The following NTNG1 variants were observed in gnomAD, a reference collection of about 807,000 sequenced individuals.
The protein encoded by NTNG1 is netrin G1, also known as netrin-G1.
Under a neutral mutation model 54.0 loss-of-function variants are expected in NTNG1, and 16 were observed. The observed-to-expected ratio is 0.30, with a 90% confidence interval of 0.20 to 0.45. NTNG1 has a LOEUF of 0.45. NTNG1 is among the 20% of genes least tolerant of loss of function. NTNG1 has a pLI of 1.00. For synonymous variants in NTNG1, 255 were observed against 263.1 expected, an observed-to-expected ratio of 0.97 and a Z score of 0.30; for missense variants, 530 against 678.7, an observed-to-expected ratio of 0.78 and a Z score of 2.43.
At chr1:107,478,563 T>C (rs979299065) in intron 7 of NTNG1, among the ~76,000 whole-genome samples, 3 of 152,144 alleles carry the variant, frequency 2.0e-5, no homozygotes, top group Admixed American at 2.0e-4. Context: ...GGGAGTGATA[T>C]GTAATTAACT....
chr1:107,351,937 A>G (rs564330219), intron 3 of NTNG1, among the ~76,000 whole-genome samples: 14 of 152,366 alleles, frequency 9.2e-5, no homozygotes, highest in Admixed American at 5.9e-4. Flanking sequence ...GGCCCCGTGC[A>G]AGTCCAAAAC....
At chr1:107,185,332 A>T (rs2101153275) in intron 2 of NTNG1, among the ~76,000 whole-genome samples, 1 of 152,252 alleles carries the variant, frequency 6.6e-6, no homozygotes, top group South Asian at 2.1e-4. Flanking sequence ...ATCCTTTGTT[A>T]CAGATTCCTA....
intron 2 of NTNG1, among the ~76,000 whole-genome samples, chr1:107,184,813 T>C (rs1426637057): frequency 6.6e-6 from 1 of 152,160 alleles, no homozygotes; most frequent in Non-Finnish European, 1.5e-5. Context: ...CACTCCAAAA[T>C]TTAGTGGCAG....
At chr1:107,464,099 C>T (rs1264128835) in intron 7 of NTNG1, among the ~76,000 whole-genome samples, 2 of 152,170 alleles carry the variant, frequency 1.3e-5, no homozygotes, top group East Asian at 3.9e-4. Flanking sequence ...GTGTTTCTTC[C>T]CCTTTAGTTA....
chr1:107,155,223 T>C (rs958318972), intron 2 of NTNG1, among the ~76,000 whole-genome samples: 1 of 151,998 alleles, frequency 6.6e-6, no homozygotes, highest in African/African-American at 2.4e-5. Flanking sequence ...GATCCTCTGA[T>C]TTTGAGGACT....
At chr1:107,269,257 C>CT (rs1381404754) in intron 2 of NTNG1, among the ~76,000 whole-genome samples, 1 of 152,170 alleles carries the variant, frequency 6.6e-6, no homozygotes, top group African/African-American at 2.4e-5. Context: ...TTGCTATTCT[C>CT]TCTGGCTGGA....
rs116228437 is a variant in NTNG1 at position 107,363,553 on chromosome 1, T to A, written c.888-31601T>A. 1.3e-3 allele frequency among the ~76,000 whole-genome samples: 201 copies of A among 152,326 alleles called. 1 individual carries two copies. The highest frequency in any genetic ancestry group is 2.6e-3 in the Non-Finnish European group (179 of 68,028). ...AAATTAATAATTATCCCACTATTAT[T>A]TCCCCCAATAAAAAAACCTGCTAAT... On this transcript the variant is annotated intron_variant, in intron 3 of 7. Transcript: ENST00000370068.
intron 2 of NTNG1, among the ~76,000 whole-genome samples, chr1:107,167,782 A>G (rs1290471297): frequency 6.6e-6 from 1 of 152,078 alleles, no homozygotes; most frequent in Admixed American, 6.6e-5. Flanking sequence ...AGATGTAAGT[A>G]TATTGCCCTT....
chr1:107,263,213 T>C (rs1325062139), intron 2 of NTNG1, among the ~76,000 whole-genome samples: 1 of 152,180 alleles, frequency 6.6e-6, no homozygotes, highest in East Asian at 1.9e-4. Context: ...AGAAAGGATG[T>C]GTGGGTGTGA....
intron 2 of NTNG1, among the ~76,000 whole-genome samples, chr1:107,173,293 A>G (rs1656393502): frequency 6.6e-6 from 1 of 152,080 alleles, no homozygotes; most frequent in Non-Finnish European, 1.5e-5. Flanking sequence ...TGCTTTTTTA[A>G]AATTTCTAAA....
chr1:107,212,810 G>A (rs1211703905), intron 2 of NTNG1, among the ~76,000 whole-genome samples: 1 of 152,080 alleles, frequency 6.6e-6, no homozygotes, highest in Non-Finnish European at 1.5e-5. Flanking sequence ...AGAAAGGGAA[G>A]GAAACTATCG....
Position 107,395,380 on chromosome 1 carries a change from C to T in NTNG1, c.1060+54C>T, listed in dbSNP as rs773848678. 4.1e-6 allele frequency: 6 copies of T among 1,478,288 alleles called. No homozygotes were observed. The Admixed American group carries it at 1.0e-4, about 25-fold the overall frequency. 91.6% of individuals were successfully genotyped at this position (1,478,288 alleles called of 1,614,324 possible). A position where few individuals can be genotyped will look rare whatever the true frequency, so the allele number is the denominator to read the frequency against. ...TTCTGTGCACCATGAGGTGATAGTT[C>T]CTCTCAATTTTGCTTACAATTGTGA... is the stretch of plus-strand genomic sequence containing the variant. On this transcript the variant is annotated intron_variant, in intron 4 of 7. Coordinates refer to ENST00000370068, the MANE Select transcript of NTNG1 (RefSeq NM_001113226.3).
intron 2 of NTNG1, among the ~76,000 whole-genome samples, chr1:107,257,674 G>A (rs1275165616): frequency 6.6e-6 from 1 of 152,156 alleles, no homozygotes; most frequent in African/African-American, 2.4e-5. Flanking sequence ...GGCACTGTGT[G>A]GGGGGATTAG....
chr1:107,241,964 CAT>C (rs1168423316), intron 2 of NTNG1, among the ~76,000 whole-genome samples: 4 of 152,132 alleles, frequency 2.6e-5, no homozygotes, highest in Non-Finnish European at 5.9e-5. Flanking sequence ...ATGTATCATA[CAT>C]ATATTAGAGT....
At chr1:107,243,569 T>C (rs1050057711) in intron 2 of NTNG1, among the ~76,000 whole-genome samples, 4 of 152,202 alleles carry the variant, frequency 2.6e-5, no homozygotes, top group African/African-American at 7.2e-5. Context: ...TTGTGTTTCG[T>C]TTTTTGAGAT....
At chr1:107,267,628 C>T (rs1415838052) in intron 2 of NTNG1, among the ~76,000 whole-genome samples, 1 of 152,126 alleles carries the variant, frequency 6.6e-6, no homozygotes, top group Non-Finnish European at 1.5e-5. Context: ...AGGATCCCTC[C>T]CACTACTGTC....
Position 107,414,595 on chromosome 1 carries a change from G to A in NTNG1, c.1087+6887G>A, listed in dbSNP as rs573532550. ...TCTTTTTAACTTATCAGATCACTTG[G>A]GTTAAGAACAATTAATACTGAAAAA... On this transcript the variant is annotated intron_variant, in intron 5 of 7. Coordinates refer to ENST00000370068, the MANE Select transcript of NTNG1 (RefSeq NM_001113226.3). Among the ~76,000 whole-genome samples, 4 of 152,074 alleles carry A rather than the reference G, an allele frequency of 2.6e-5. No individual in the cohort carries two copies. In the East Asian group the frequency reaches 7.7e-4, roughly 29 times the overall value.
At chr1:107,174,564 C>G (rs1434181109) in intron 2 of NTNG1, among the ~76,000 whole-genome samples, 1 of 151,914 alleles carries the variant, frequency 6.6e-6, no homozygotes, top group Non-Finnish European at 1.5e-5. Flanking sequence ...AAAGTGCTCC[C>G]ATAACATGGG....
chr1:107,354,378 A>C (rs1421483780), intron 3 of NTNG1, among the ~76,000 whole-genome samples: 2 of 150,940 alleles, frequency 1.3e-5, no homozygotes, highest in African/African-American at 4.9e-5. Context: ...CAGAGGCAGA[A>C]GAATCGCTTG....
Sources: allele counts gnomAD v4.1 joint callset (sites outside exome capture counted in the v4.1 genomes callset), GRCh38; gene constraint gnomAD v4.1.1; transcripts MANE v1.5; gene names NCBI Gene and HGNC (gene_info 2026-07-23, HGNC 2026-07-21).